The following DTNA variants were observed in gnomAD, a reference collection of about 807,000 sequenced individuals.
DTNA encodes dystrobrevin alpha.
Under a neutral mutation model 100.7 loss-of-function variants are expected in DTNA, and 43 were observed. That is an observed-to-expected ratio of 0.43 (90% confidence interval 0.33 to 0.55). The LOEUF (loss-of-function observed/expected upper bound fraction) is 0.55. Ranked by LOEUF, DTNA falls within the 20% of genes least tolerant of loss-of-function variation. The probability of loss-of-function intolerance (pLI) is 0.04; values close to 1 mark genes in which losing one functional copy is unlikely to be tolerated. For synonymous variants in DTNA, 349 were observed against 347.9 expected (o/e 1.00, Z -0.04); for missense variants, 798 against 953.9 (o/e 0.84, Z 2.15).
intron 17 of DTNA, among the ~76,000 whole-genome samples, chr18:34,873,261 G>A (rs1734711709): frequency 6.6e-6 from 1 of 152,140 alleles, no homozygotes; most frequent in Non-Finnish European, 1.5e-5. Flanking sequence ...GGGATGAGAC[G>A]GTAACCCACA....
intron 1 of DTNA, among the ~76,000 whole-genome samples, chr18:34,587,163 A>G (rs2049230521): frequency 7.4e-6 from 1 of 135,148 alleles, no homozygotes; most frequent in Non-Finnish European, 1.6e-5. Flanking sequence ...TTTTTTTTGT[A>G]GAGATGGGGT....
chr18:34,687,770 A>G (rs1198616075), intron 1 of DTNA, among the ~76,000 whole-genome samples: 2 of 152,102 alleles, frequency 1.3e-5, no homozygotes, highest in African/African-American at 4.8e-5. Flanking sequence ...GTGTGGGAAT[A>G]TAGGTCTCTT....
At chr18:34,726,719 G>A (rs776667971) in intron 1 of DTNA, among the ~76,000 whole-genome samples, 8 of 152,200 alleles carry the variant, frequency 5.3e-5, no homozygotes, top group Non-Finnish European at 1.0e-4. Flanking sequence ...GACTGCCACC[G>A]AGTGGCTGCT....
chr18:34,794,952 C>CT (rs2094906355), intron 4 of DTNA, among the ~76,000 whole-genome samples: 4 of 152,122 alleles, frequency 2.6e-5, no homozygotes, highest in African/African-American at 9.7e-5. Flanking sequence ...ATGTTAGTGG[C>CT]CGAGTGGGGA....
Position 34,886,387 on chromosome 18 carries a change from C to T in DTNA, c.*32-1379C>T, listed in dbSNP as rs185367155. Among the ~76,000 whole-genome samples, 36 of 152,256 alleles carry T rather than the reference C, an allele frequency of 2.4e-4. No homozygotes were observed. In the East Asian group the frequency reaches 3.1e-3, roughly 13 times the overall value. On this transcript the variant is annotated intron_variant, in intron 22 of 22. Coordinates refer to ENST00000444659, the MANE Select transcript of DTNA (RefSeq NM_001386795.1). ...TCATTACAAGTAGAGTGAAAAAATT[C>T]CCAGGAGCTGTTTCTGAAAATATTC...
chr18:34,501,996 T>C (rs2039977641), intron 1 of DTNA, among the ~76,000 whole-genome samples: 1 of 152,240 alleles, frequency 6.6e-6, no homozygotes, highest in Admixed American at 6.5e-5. Context: ...AAAAGTCCTA[T>C]CTCTAATAGA....
intron 1 of DTNA, among the ~76,000 whole-genome samples, chr18:34,717,062 C>T (rs2084224951): frequency 6.6e-6 from 1 of 152,140 alleles, no homozygotes; most frequent in Admixed American, 6.5e-5. Flanking sequence ...GCTTGAATAA[C>T]TGGGCCACAC....
chr18:34,833,058 C>G (rs1429358043), intron 11 of DTNA, among the ~76,000 whole-genome samples: 2 of 151,850 alleles, frequency 1.3e-5, no homozygotes, highest in East Asian at 3.8e-4. Context: ...TTCTTTTAAC[C>G]ATTGCGATAA....
intron 1 of DTNA, among the ~76,000 whole-genome samples, chr18:34,727,024 C>T (rs2086864212): frequency 6.6e-6 from 1 of 152,234 alleles, no homozygotes; most frequent in Admixed American, 6.5e-5. Context: ...ATTCTGTGTG[C>T]CTGCAGGCTC....
intron 1 of DTNA, among the ~76,000 whole-genome samples, chr18:34,655,394 G>T (rs1162386107): frequency 6.6e-6 from 1 of 152,128 alleles, no homozygotes; most frequent in Admixed American, 6.6e-5. Context: ...CCTGCTCAAA[G>T]ATGCTAAGAA....
chr18:34,789,335 C>G (rs2094618563), intron 3 of DTNA, among the ~76,000 whole-genome samples: 1 of 152,214 alleles, frequency 6.6e-6, no homozygotes, highest in Non-Finnish European at 1.5e-5. Context: ...TCAGAAATGA[C>G]ATTTTTAAGC....
At chr18:34,880,474 G>A (rs1258696228) in intron 20 of DTNA, among the ~76,000 whole-genome samples, 7 of 152,200 alleles carry the variant, frequency 4.6e-5, no homozygotes, top group African/African-American at 1.7e-4. Flanking sequence ...AATGACCATG[G>A]TTCATGGAGT....
chr18:34,749,604 G>A (rs1461186397), intron 1 of DTNA, among the ~76,000 whole-genome samples: 8 of 149,598 alleles, frequency 5.3e-5, no homozygotes, highest in African/African-American at 7.4e-5. Flanking sequence ...CTAGCTGGTC[G>A]CTACACTAAA....
intron 3 of DTNA, among the ~76,000 whole-genome samples, chr18:34,769,196 T>C (rs769456086): frequency 1.1e-4 from 16 of 152,226 alleles, no homozygotes; most frequent in Non-Finnish European, 2.1e-4. Flanking sequence ...TATATGTCTT[T>C]GCAAAGTTTT....
chr18:34,494,863 A>G (rs1389201246), intron 1 of DTNA, among the ~76,000 whole-genome samples: 1 of 152,142 alleles, frequency 6.6e-6, no homozygotes, highest in East Asian at 1.9e-4. Context: ...TGAAGTGTAC[A>G]GTTACTGATT....
At chr18:34,541,743 T>G (rs938408292) in intron 1 of DTNA, among the ~76,000 whole-genome samples, 3 of 151,996 alleles carry the variant, frequency 2.0e-5, no homozygotes, top group African/African-American at 7.2e-5. Flanking sequence ...AGAGGAACAG[T>G]CTAGGACGTA....
intron 1 of DTNA, among the ~76,000 whole-genome samples, chr18:34,541,872 AG>A (rs1252603493): frequency 6.6e-6 from 1 of 152,072 alleles, no homozygotes; most frequent in Non-Finnish European, 1.5e-5. Flanking sequence ...AGAGTAAAAA[AG>A]CTGCAAGGTG....
rs989013541 is a variant in DTNA at position 34,546,026 on chromosome 18, A to G, written c.-2+52512A>G. On this transcript the variant is annotated intron_variant, in intron 1 of 19. Coordinates refer to the DTNA transcript ENST00000283365. ...GGAGGCTCGGCTCTGTAGTACTCATATAATCATACTGTGGGAAGAATGTTT... is the reference window on the plus strand; with the variant it reads ...GGAGGCTCGGCTCTGTAGTACTCATGTAATCATACTGTGGGAAGAATGTTT... Among the ~76,000 whole-genome samples the G allele has an allele frequency of 1.3e-5, 2 of 152,140 alleles. 1 individual carries two copies. Among genetic ancestry groups the G allele is most frequent in the Admixed American group, 1.3e-4 (2 of 15,264 alleles).
Position 34,888,313 on chromosome 18 carries a change from A to G in DTNA, c.*579A>G, listed in dbSNP as rs1313378351. The G allele has an allele frequency of 1.0e-6, 1 of 985,710 alleles. No homozygotes were observed. Among genetic ancestry groups the G allele is most frequent in the Admixed American group, 6.2e-5 (1 of 16,260 alleles). 61.1% of individuals were successfully genotyped at this position (985,710 alleles called of 1,614,324 possible). ...AAAAACAACCACTTGCAATCATTCA[A>G]TAACCCTGAAGAATTTGGTTCCTGA... On this transcript the variant is annotated 3_prime_UTR_variant, in exon 23 of 23. Coordinates refer to ENST00000444659, the MANE Select transcript of DTNA (RefSeq NM_001386795.1).
Sources: gnomAD v4.1 joint callset for allele counts (sites outside exome capture counted in the v4.1 genomes callset) on GRCh38, gnomAD v4.1.1 for gene constraint, MANE v1.5 for transcripts, NCBI Gene and HGNC (gene_info 2026-07-23, HGNC 2026-07-21) for gene names.